Variants in MUSK observed in about 807,000 individuals in gnomAD.
MUSK encodes the protein muscle, skeletal receptor tyrosine-protein kinase.
MUSK carries 55 observed loss-of-function variants against 88.7 expected under a neutral mutation model. The ratio of observed to expected loss-of-function variants is 0.62; its 90% CI spans 0.50 to 0.78. The LOEUF (loss-of-function observed/expected upper bound fraction) is 0.78, where lower values mean the gene tolerates loss of function less well. Ranked by LOEUF, MUSK falls within the 30% of genes least tolerant of loss-of-function variation. The pLI, the probability that MUSK is intolerant of heterozygous loss-of-function variation, is 0.00. For missense variants in MUSK, 1,015 were observed against 1,074.3 expected (o/e 0.94, Z 0.77); for synonymous variants, 387 against 391.9 (o/e 0.99, Z 0.15).
intron 9 of MUSK, among the ~76,000 whole-genome samples, chr9:110,771,182 T>C (rs1301427492): frequency 1.3e-5 from 2 of 148,366 alleles, no homozygotes; most frequent in East Asian, 3.9e-4. Flanking sequence ...TTTTTTTTTT[T>C]TGTCCCTGGG....
chr9:110,679,979 G>C (rs553534035), intron 1 of MUSK, among the ~76,000 whole-genome samples: 4 of 152,028 alleles, frequency 2.6e-5, no homozygotes, highest in African/African-American at 7.2e-5. Context: ...AATTGCAATG[G>C]TATTTCACCA....
At chr9:110,781,076 C>T (rs1341484491) in intron 11 of MUSK, among the ~76,000 whole-genome samples, 4 of 152,128 alleles carry the variant, frequency 2.6e-5, no homozygotes, top group Non-Finnish European at 5.9e-5. Flanking sequence ...TGCAGCTTTA[C>T]CTATAGATAC....
chr9:110,766,165 G>A (rs533345171), intron 8 of MUSK, among the ~76,000 whole-genome samples: 5 of 152,258 alleles, frequency 3.3e-5, no homozygotes, highest in East Asian at 3.9e-4. Context: ...AGGAAAAGGC[G>A]TTCTGGTGTC....
intron 6 of MUSK, among the ~76,000 whole-genome samples, chr9:110,746,926 T>G (rs1180797100): frequency 6.6e-6 from 1 of 152,152 alleles, no homozygotes; most frequent in African/African-American, 2.4e-5. Context: ...GTTATGAAAA[T>G]AAGTCCTTAA....
rs10680441 is a variant in MUSK at position 110,779,058 on chromosome 9, CTGTGTGTG to C, written c.1384+2421_1384+2428del. On this transcript the variant is annotated intron_variant, in intron 11 of 14. Coordinates refer to ENST00000374448, the MANE Select transcript of MUSK (RefSeq NM_005592.4). ...ATGAAATCATGAAGCGTCAGTGTCT[CTGTGTGTG>C]TGTGTGTGTGTGTGTGTCTGTGTAA... Among the ~76,000 whole-genome samples, 120 of 149,722 alleles carry C rather than the reference CTGTGTGTG, an allele frequency of 8.0e-4. No individual in the cohort carries two copies. The East Asian group carries it at 0.021, about 26-fold the overall frequency.
intron 1 of MUSK, among the ~76,000 whole-genome samples, chr9:110,669,949 T>C (rs2075936106): frequency 1.3e-5 from 2 of 152,132 alleles, no homozygotes; most frequent in Admixed American, 1.3e-4. Context: ...ACTGAAACAG[T>C]TTGTATTGTG....
chr9:110,768,717 G>C (rs1374054950), intron 9 of MUSK, among the ~76,000 whole-genome samples: 1 of 152,072 alleles, frequency 6.6e-6, no homozygotes, highest in Non-Finnish European at 1.5e-5. Flanking sequence ...AGTAAGCCAA[G>C]ATAGAGAAAA....
intron 5 of MUSK, among the ~76,000 whole-genome samples, chr9:110,725,990 A>G (rs1250482292): frequency 1.3e-5 from 2 of 152,010 alleles, no homozygotes; most frequent in Non-Finnish European, 2.9e-5. Flanking sequence ...CAAAAAAGTC[A>G]TACAGCGAAT....
intron 14 of MUSK, chr9:110,788,066 GCCT>G: frequency 2.0e-6 from 1 of 510,698 alleles, no homozygotes; most frequent in Non-Finnish European, 3.5e-6. Context: ...TGTCTTTGCT[GCCT>G]CCTATTTATA....
intron 11 of MUSK, among the ~76,000 whole-genome samples, chr9:110,781,498 G>T (rs576259474): frequency 3.3e-5 from 5 of 152,110 alleles, no homozygotes; most frequent in Non-Finnish European, 5.9e-5. Context: ...GGATGGTCTC[G>T]ATCTCCTGAC....
At chr9:110,747,539 A>C (rs1482210141) in intron 6 of MUSK, 102 bp from the exon 7 acceptor site, 3 of 1,220,930 alleles carry the variant, frequency 2.5e-6, no homozygotes, top group Non-Finnish European at 3.5e-6. Context: ...AGTGTACCAC[A>C]TGCACTTGAT....
intron 3 of MUSK, among the ~76,000 whole-genome samples, chr9:110,691,805 G>T (rs541472724): frequency 6.6e-6 from 1 of 152,152 alleles, no homozygotes; most frequent in East Asian, 1.9e-4. Flanking sequence ...GAAATCATTA[G>T]GTACTTTTTT....
At chr9:110,765,852 G>A (rs1227997654) in intron 8 of MUSK, among the ~76,000 whole-genome samples, 1 of 152,058 alleles carries the variant, frequency 6.6e-6, no homozygotes, top group Non-Finnish European at 1.5e-5. Flanking sequence ...GGGATTACAG[G>A]TGTGAGCCAC....
intron 5 of MUSK, among the ~76,000 whole-genome samples, chr9:110,698,826 T>C (rs1017874217): frequency 9.2e-5 from 14 of 152,146 alleles, no homozygotes; most frequent in South Asian, 2.1e-4. Flanking sequence ...GTTGATATGA[T>C]TTATTCAGTA....
At chr9:110,786,709 C>T (rs979323012) in intron 13 of MUSK, among the ~76,000 whole-genome samples, 1 of 152,076 alleles carries the variant, frequency 6.6e-6, no homozygotes, top group Non-Finnish European at 1.5e-5. Context: ...AAAATGAGCT[C>T]AAGAAAGGAG....
chr9:110,711,100 G>C (rs942019305), intron 5 of MUSK, among the ~76,000 whole-genome samples: 4 of 152,134 alleles, frequency 2.6e-5, no homozygotes, highest in African/African-American at 9.7e-5. Flanking sequence ...AGCCTGTTGT[G>C]GGGTCGGGGG....
chr9:110,725,438 C>T (rs886992948), intron 5 of MUSK, among the ~76,000 whole-genome samples: 1 of 151,930 alleles, frequency 6.6e-6, no homozygotes, highest in Non-Finnish European at 1.5e-5. Context: ...AAATGGATTG[C>T]TACTATGGTA....
intron 5 of MUSK, among the ~76,000 whole-genome samples, chr9:110,725,743 T>C (rs1268080828): frequency 6.6e-6 from 1 of 152,030 alleles, no homozygotes; most frequent in Admixed American, 6.6e-5. Flanking sequence ...AGTTTAATTC[T>C]AGCCCTAACC....
At chr9:110,776,075 T>G in intron 10 of MUSK, 112 bp downstream of exon 10, 1 of 1,228,150 alleles carries the variant, frequency 8.1e-7, no homozygotes, top group Non-Finnish European at 1.1e-6. Context: ...TAATTTTTTT[T>G]TTTTGAGTTC....
Sources: gnomAD v4.1 joint callset for allele counts (sites outside exome capture counted in the v4.1 genomes callset) on GRCh38, gnomAD v4.1.1 for gene constraint, MANE v1.5 for transcripts, NCBI Gene and HGNC (gene_info 2026-07-23, HGNC 2026-07-21) for gene names.